The following WWOX variants were observed in gnomAD, a reference collection of about 807,000 sequenced individuals.
WWOX encodes the protein WW domain containing oxidoreductase.
In WWOX, 69 loss-of-function variants were observed where a neutral mutation model predicts 46.2. The ratio of observed to expected loss-of-function variants is 1.49; its 90% CI spans 1.23 to 1.82. The LOEUF is 1.82. Ranked by LOEUF, WWOX falls within the 40% of genes most tolerant of loss-of-function variation. The pLI is 0.00. For synonymous variants in WWOX, 359 were observed against 202.6 expected, an observed-to-expected ratio of 1.77 and a Z score of -6.56; for missense variants, 919 against 542.6, an observed-to-expected ratio of 1.69 and a Z score of -6.89.
rs369075883 is a variant in WWOX at position 78,540,020 on chromosome 16, T to TCTCTCACA, written c.1056+107269_1056+107270insTCTCACAC. 2.9e-4 allele frequency among the ~76,000 whole-genome samples: 39 copies of TCTCTCACA among 132,920 alleles called. No individual in the cohort carries two copies. The East Asian group carries it at 3.5e-3, about 12-fold the overall frequency. 87.2% of individuals were successfully genotyped at this position (132,920 alleles called of 152,430 possible). On this transcript the variant is annotated intron_variant, in intron 8 of 8. Coordinates refer to ENST00000566780, the MANE Select transcript of WWOX (RefSeq NM_016373.4). The stretch of plus-strand genomic sequence containing the variant: ...CTTTCTCTCTCTCTCTCTCTCTCTC[T>TCTCTCACA]CACACACACACACACACACACACAC...
chr16:78,766,296 T>C (rs1016004233), intron 8 of WWOX, among the ~76,000 whole-genome samples: 1 of 152,166 alleles, frequency 6.6e-6, no homozygotes, highest in Admixed American at 6.5e-5. Context: ...TCGCTAGCCT[T>C]ATTAAAATGT....
intron 8 of WWOX, among the ~76,000 whole-genome samples, chr16:78,968,093 G>A (rs537524742): frequency 7.4e-6 from 1 of 135,004 alleles, no homozygotes; most frequent in African/African-American, 2.7e-5. Flanking sequence ...TGCATGGTCC[G>A]CATGGCACAG....
intron 8 of WWOX, among the ~76,000 whole-genome samples, chr16:78,788,423 G>C (rs1347503310): frequency 6.6e-6 from 1 of 152,162 alleles, no homozygotes; most frequent in East Asian, 1.9e-4. Flanking sequence ...TTGATTGTGA[G>C]TCTTCAGACC....
At chr16:78,517,866 T>G (rs1211016305) in intron 8 of WWOX, among the ~76,000 whole-genome samples, 1 of 149,822 alleles carries the variant, frequency 6.7e-6, no homozygotes, top group Non-Finnish European at 1.5e-5. Flanking sequence ...TTTTTTTTTT[T>G]TTTTTTTTTT....
Position 78,474,230 on chromosome 16 carries a change from T to C in WWOX, c.1056+41478T>C, listed in dbSNP as rs11865679. Among the ~76,000 whole-genome samples, 311 of 152,360 alleles carry C rather than the reference T, an allele frequency of 2.0e-3. 1 individual carries two copies. The highest frequency in any genetic ancestry group is 7.1e-3 in the African/African-American group (297 of 41,590). ...CTCTCACATTGTTAGAAAACAGTTT[T>C]ATGTTTGACATTTTGATCATACTAA... On this transcript the variant is annotated intron_variant, in intron 8 of 8. Transcript: ENST00000566780.
At chr16:78,781,776 A>G (rs1257991623) in intron 8 of WWOX, among the ~76,000 whole-genome samples, 2 of 152,164 alleles carry the variant, frequency 1.3e-5, no homozygotes, top group Non-Finnish European at 2.9e-5. Flanking sequence ...CTCCATCTCA[A>G]ATAAAATTAG....
At chr16:78,699,576 A>G (rs1452600645) in intron 8 of WWOX, among the ~76,000 whole-genome samples, 1 of 152,162 alleles carries the variant, frequency 6.6e-6, no homozygotes. Context: ...AGTTCATGAG[A>G]TACCACATAC....
chr16:78,613,206 C>G (rs111259713), intron 8 of WWOX, among the ~76,000 whole-genome samples: 1 of 152,148 alleles, frequency 6.6e-6, no homozygotes, highest in Non-Finnish European at 1.5e-5. Flanking sequence ...ATCACATGAA[C>G]GTCTATGCCC....
intron 8 of WWOX, among the ~76,000 whole-genome samples, chr16:78,453,707 A>AT (rs908941103): frequency 2.6e-5 from 4 of 152,078 alleles, no homozygotes; most frequent in Non-Finnish European, 4.4e-5. Context: ...ACACTGATCA[A>AT]TTTTTTTCAT....
At chr16:78,498,098 G>C (rs564673407) in intron 8 of WWOX, among the ~76,000 whole-genome samples, 21 of 151,256 alleles carry the variant, frequency 1.4e-4, no homozygotes, top group Admixed American at 1.3e-3. Flanking sequence ...CCAGCTACTT[G>C]GGAGGCTGAG....
intron 8 of WWOX, among the ~76,000 whole-genome samples, chr16:78,765,985 C>A (rs929223707): frequency 2.0e-5 from 3 of 152,104 alleles, no homozygotes; most frequent in African/African-American, 7.2e-5. Context: ...ATGACTAGAT[C>A]CAGGAAATAC....
chr16:78,406,362 AT>A (rs1419490987), intron 6 of WWOX, among the ~76,000 whole-genome samples: 1 of 76,674 alleles, frequency 1.3e-5, no homozygotes, highest in African/African-American at 3.9e-5. Flanking sequence ...ATATTTTATT[AT>A]TTTTTTTTGA....
At chr16:78,376,038 TG>T (rs796310685) in intron 5 of WWOX, among the ~76,000 whole-genome samples, 32 of 152,088 alleles carry the variant, frequency 2.1e-4, no homozygotes, top group African/African-American at 7.7e-4. Context: ...TTTGTAGAGA[TG>T]GGGTTTCACC....
At chr16:79,014,605 T>C (rs1170669738) in intron 8 of WWOX, among the ~76,000 whole-genome samples, 3 of 152,184 alleles carry the variant, frequency 2.0e-5, no homozygotes, top group Admixed American at 6.5e-5. Flanking sequence ...CCACTGCTTT[T>C]TGAGCAGCTA....
intron 8 of WWOX, among the ~76,000 whole-genome samples, chr16:79,114,451 C>T (rs1371663649): frequency 6.6e-6 from 1 of 151,222 alleles, no homozygotes; most frequent in Non-Finnish European, 1.5e-5. Flanking sequence ...CACGTGTGCA[C>T]ACACACAAGC....
chr16:78,280,667 G>T (rs1439236600), intron 5 of WWOX, among the ~76,000 whole-genome samples: 1 of 150,908 alleles, frequency 6.6e-6, no homozygotes, highest in Non-Finnish European at 1.5e-5. Flanking sequence ...TGGGGTGGGG[G>T]TGGGAGGTGC....
chr16:78,902,504 C>T (rs910811016), intron 8 of WWOX, among the ~76,000 whole-genome samples: 2 of 152,224 alleles, frequency 1.3e-5, no homozygotes, highest in African/African-American at 4.8e-5. Flanking sequence ...TGTCAGGCAT[C>T]TTGTTAGACT....
intron 8 of WWOX, among the ~76,000 whole-genome samples, chr16:79,132,553 G>T (rs563769342): frequency 6.6e-6 from 1 of 152,072 alleles, no homozygotes; most frequent in African/African-American, 2.4e-5. Context: ...TCTTGATCTC[G>T]ATAGCAGCAA....
At chr16:78,602,131 A>G (rs2045636346) in intron 8 of WWOX, among the ~76,000 whole-genome samples, 1 of 152,216 alleles carries the variant, frequency 6.6e-6, no homozygotes, top group African/African-American at 2.4e-5. Context: ...TAATCACACT[A>G]GTAGAATCTC....
Sources: gnomAD v4.1 joint callset for allele counts (sites outside exome capture counted in the v4.1 genomes callset) on GRCh38, gnomAD v4.1.1 for gene constraint, MANE v1.5 for transcripts, NCBI Gene and HGNC (gene_info 2026-07-23, HGNC 2026-07-21) for gene names.